The following CSMD1 variants were observed in gnomAD, a reference collection of about 807,000 sequenced individuals.
The protein encoded by CSMD1 is CUB and sushi domain-containing protein 1.
Under a neutral mutation model 417.5 loss-of-function variants are expected in CSMD1, and 213 were observed. The observed-to-expected ratio is 0.51, with a 90% CI of 0.46 to 0.57. The LOEUF is 0.57. Among genes scored for constraint, CSMD1 ranks in the 20% least tolerant of loss-of-function variants. The probability of loss-of-function intolerance (pLI) is 0.00; values close to 1 mark genes in which losing one functional copy is unlikely to be tolerated. For missense variants in CSMD1, 6,923 were observed against 4,529.7 expected, an observed-to-expected ratio of 1.53 and a Z score of -15.17; for synonymous variants, 2,862 against 1,736.8, an observed-to-expected ratio of 1.65 and a Z score of -16.11.
intron 7 of CSMD1, among the ~76,000 whole-genome samples, chr8:3,685,296 G>A (rs115718930): frequency 3.9e-5 from 6 of 152,048 alleles, no homozygotes; most frequent in Non-Finnish European, 8.8e-5. Context: ...TTAATGACTC[G>A]GCAGTCTAGT....
chr8:4,928,873 C>A (rs951058399), intron 1 of CSMD1, among the ~76,000 whole-genome samples: 2 of 152,006 alleles, frequency 1.3e-5, no homozygotes, highest in African/African-American at 4.8e-5. Context: ...AGTTCGAGAC[C>A]AGCCTGCCAA....
intron 4 of CSMD1, among the ~76,000 whole-genome samples, chr8:4,003,237 C>T (rs1281212878): frequency 6.6e-6 from 1 of 151,864 alleles, no homozygotes; most frequent in Non-Finnish European, 1.5e-5. Flanking sequence ...ACTAAAAACA[C>T]ATAAAAGTAG....
chr8:4,567,781 A>C (rs947292541), intron 2 of CSMD1, among the ~76,000 whole-genome samples: 2 of 152,180 alleles, frequency 1.3e-5, no homozygotes, highest in African/African-American at 4.8e-5. Context: ...TCATAAAATT[A>C]TCGTATACCA....
chr8:3,297,225 G>T (rs374954452), intron 25 of CSMD1, among the ~76,000 whole-genome samples: 1 of 152,184 alleles, frequency 6.6e-6, no homozygotes, highest in Non-Finnish European at 1.5e-5. Context: ...AGAAAGTTCA[G>T]TATTATAAAA....
chr8:4,058,551 G>A (rs1263709706), intron 3 of CSMD1, among the ~76,000 whole-genome samples: 1 of 151,680 alleles, frequency 6.6e-6, no homozygotes, highest in East Asian at 1.9e-4. Flanking sequence ...AATTGCCCTG[G>A]CCAGAACTTC....
chr8:4,785,748 T>C (rs902952598), intron 1 of CSMD1, among the ~76,000 whole-genome samples: 6 of 152,184 alleles, frequency 3.9e-5, no homozygotes, highest in African/African-American at 9.7e-5. Flanking sequence ...CAGTGCATCA[T>C]ACAAATAATA....
intron 3 of CSMD1, among the ~76,000 whole-genome samples, chr8:4,070,420 G>T (rs912116940): frequency 2.6e-5 from 4 of 151,656 alleles, no homozygotes; most frequent in Non-Finnish European, 5.9e-5. Flanking sequence ...TGCAGTGGTG[G>T]GATCTCGGCT....
intron 41 of CSMD1, among the ~76,000 whole-genome samples, chr8:3,136,660 T>C (rs559384424): frequency 9.2e-5 from 14 of 152,302 alleles, no homozygotes; most frequent in African/African-American, 3.1e-4. Context: ...TCAGTGGTTA[T>C]ACCCAGGGTA....
chr8:4,843,961 G>A (rs562051000), intron 1 of CSMD1, among the ~76,000 whole-genome samples: 2 of 152,286 alleles, frequency 1.3e-5, no homozygotes, highest in African/African-American at 2.4e-5. Flanking sequence ...AACGGAAAGT[G>A]TGTTTCTCAT....
rs1434140170 is a variant in CSMD1, at chr8:3,243,609, T to C, written c.4154-13378A>G. Among the ~76,000 whole-genome samples the C allele has an allele frequency of 4.6e-5, 7 of 152,004 alleles. No homozygotes were observed. In the South Asian group the frequency reaches 6.2e-4, roughly 14 times the overall value. On this transcript the variant is annotated intron_variant, in intron 26 of 69. Coordinates refer to ENST00000635120, the MANE Select transcript of CSMD1 (RefSeq NM_033225.6). The stretch of plus-strand genomic sequence containing the variant: ...CAGGAACAGGCCATTTTCACTTCTT[T>C]TGTGGTGGAATGTCATCAGTTAAGG...
intron 5 of CSMD1, among the ~76,000 whole-genome samples, chr8:3,891,078 T>A (rs530708067): frequency 1.1e-4 from 16 of 152,216 alleles, no homozygotes; most frequent in Admixed American, 7.2e-4. Context: ...AGACAGGATC[T>A]CACTCTGTCA....
At chr8:4,651,546 A>G (rs1803897746) in intron 1 of CSMD1, among the ~76,000 whole-genome samples, 1 of 152,204 alleles carries the variant, frequency 6.6e-6, no homozygotes, top group Non-Finnish European at 1.5e-5. Flanking sequence ...TCAGAGTCAT[A>G]ATTTACTATT....
chr8:3,391,967 G>A (rs1252345447), intron 17 of CSMD1, among the ~76,000 whole-genome samples: 1 of 152,102 alleles, frequency 6.6e-6, no homozygotes, highest in Non-Finnish European at 1.5e-5. Context: ...GGTCATGGAT[G>A]AAGCTGGAAA....
At chr8:3,564,549 G>GTGTGTGTA (rs752767680) in intron 10 of CSMD1, among the ~76,000 whole-genome samples, 3,866 of 149,512 alleles carry the variant, frequency 0.026, 72 homozygotes, top group Non-Finnish European at 0.041. Context: ...GTGTGTGTGT[G>GTGTGTGTA]TATAATACAT....
intron 3 of CSMD1, among the ~76,000 whole-genome samples, chr8:4,227,498 G>A (rs994080147): frequency 6.6e-6 from 1 of 152,094 alleles, no homozygotes; most frequent in Non-Finnish European, 1.5e-5. Flanking sequence ...CTTGAGGCTG[G>A]AGGAGCGCAT....
At chr8:4,437,757 T>C (rs1798228810) in intron 2 of CSMD1, among the ~76,000 whole-genome samples, 2 of 152,124 alleles carry the variant, frequency 1.3e-5, no homozygotes, top group African/African-American at 4.8e-5. Context: ...ATGTTTGTGG[T>C]GTGAAGACAG....
At chr8:3,449,039 C>T (rs917534356) in intron 12 of CSMD1, among the ~76,000 whole-genome samples, 3 of 152,150 alleles carry the variant, frequency 2.0e-5, no homozygotes, top group Non-Finnish European at 4.4e-5. Context: ...AAGTTTACTT[C>T]AAAGGAAATG....
intron 4 of CSMD1, among the ~76,000 whole-genome samples, chr8:4,018,749 G>C (rs1429687738): frequency 6.6e-6 from 1 of 152,174 alleles, no homozygotes; most frequent in Non-Finnish European, 1.5e-5. Context: ...GACAGCATGT[G>C]ACAAGGGCCG....
At chr8:4,144,826 A>C (rs768129518) in intron 3 of CSMD1, among the ~76,000 whole-genome samples, 3 of 151,024 alleles carry the variant, frequency 2.0e-5, no homozygotes, top group Non-Finnish European at 4.4e-5. Flanking sequence ...CAACATTCGC[A>C]ATCATTCACA....
Sources: allele counts gnomAD v4.1 joint callset (sites outside exome capture counted in the v4.1 genomes callset), GRCh38; gene constraint gnomAD v4.1.1; transcripts MANE v1.5; gene names NCBI Gene and HGNC (gene_info 2026-07-23, HGNC 2026-07-21).